The following NEDD4L variants were observed in gnomAD, a reference collection of about 807,000 sequenced individuals.
NEDD4L encodes NEDD4 like E3 ubiquitin protein ligase.
Under a neutral mutation model 148.9 loss-of-function variants are expected in NEDD4L, and 54 were observed. That is an observed-to-expected ratio of 0.36 (90% CI 0.29 to 0.45). NEDD4L has a LOEUF of 0.45. Ranked by LOEUF, NEDD4L falls within the 20% of genes least tolerant of loss-of-function variation. NEDD4L has a pLI of 1.00. For synonymous variants in NEDD4L, 433 were observed against 440.7 expected, an observed-to-expected ratio of 0.98 and a Z score of 0.22; for missense variants, 856 against 1,233.8, an observed-to-expected ratio of 0.69 and a Z score of 4.59.
intron 1 of NEDD4L, among the ~76,000 whole-genome samples, chr18:58,066,832 A>G (rs2082624532): frequency 6.6e-6 from 1 of 152,036 alleles, no homozygotes; most frequent in East Asian, 1.9e-4. Flanking sequence ...ACATATTTTT[A>G]AATAACCAAG....
chr18:58,175,555 G>T (rs1029166246), intron 2 of NEDD4L, among the ~76,000 whole-genome samples: 1 of 152,246 alleles, frequency 6.6e-6, no homozygotes, highest in Non-Finnish European at 1.5e-5. Flanking sequence ...AGCAGCCTCC[G>T]CTGTCTAGGG....
intron 18 of NEDD4L, among the ~76,000 whole-genome samples, chr18:58,354,444 A>T (rs936739491): frequency 1.5e-5 from 2 of 135,720 alleles, no homozygotes; most frequent in Non-Finnish European, 3.2e-5. Context: ...AAAGTTCTTT[A>T]AAAAAAAAAA....
intron 20 of NEDD4L, among the ~76,000 whole-genome samples, chr18:58,364,873 C>T (rs992745809): frequency 6.6e-6 from 1 of 152,176 alleles, no homozygotes; most frequent in African/African-American, 2.4e-5. Context: ...TTTTTATGGG[C>T]AACATTTTAA....
chr18:58,154,916 G>A (rs1767430092), intron 1 of NEDD4L, among the ~76,000 whole-genome samples: 1 of 152,206 alleles, frequency 6.6e-6, no homozygotes, highest in Non-Finnish European at 1.5e-5. Flanking sequence ...AAAAACAAAA[G>A]TGATGTGGAA....
intron 4 of NEDD4L, among the ~76,000 whole-genome samples, chr18:58,251,548 T>C (rs1477338555): frequency 6.6e-6 from 1 of 151,786 alleles, no homozygotes; most frequent in Non-Finnish European, 1.5e-5. Context: ...TGTGTATGTG[T>C]GTGTGTGTGT....
chr18:58,141,875 G>A (rs1338886854), intron 1 of NEDD4L, among the ~76,000 whole-genome samples: 1 of 151,974 alleles, frequency 6.6e-6, no homozygotes, highest in Admixed American at 6.6e-5. Flanking sequence ...TGCATTCCCA[G>A]CTACTGTCTG....
intron 5 of NEDD4L, among the ~76,000 whole-genome samples, chr18:58,292,600 T>G (rs933635970): frequency 6.6e-6 from 1 of 152,250 alleles, no homozygotes; most frequent in African/African-American, 2.4e-5. Context: ...TATCTTGTAT[T>G]TATAGATGGT....
chr18:58,049,814 A>C (rs2081774011), intron 1 of NEDD4L, among the ~76,000 whole-genome samples: 1 of 151,838 alleles, frequency 6.6e-6, no homozygotes, highest in African/African-American at 2.4e-5. Context: ...CCGTCTCTAC[A>C]AAAAATAGAA....
At chr18:58,237,004 C>T (rs927306044) in intron 2 of NEDD4L, among the ~76,000 whole-genome samples, 1 of 151,842 alleles carries the variant, frequency 6.6e-6, no homozygotes, top group Non-Finnish European at 1.5e-5. Flanking sequence ...ACCTGGACAC[C>T]AATAGCGAAA....
chr18:58,073,508 T>C (rs1386118785), intron 1 of NEDD4L, among the ~76,000 whole-genome samples: 1 of 152,232 alleles, frequency 6.6e-6, no homozygotes, highest in Non-Finnish European at 1.5e-5. Flanking sequence ...GAAGATGTGG[T>C]ATATCCATAC....
At position 58,077,655 on chromosome 18, in the gene NEDD4L, A is replaced by G. The variant is rs149514814; in HGVS notation, c.48+32947A>G. Among the ~76,000 whole-genome samples, 203 of 152,296 alleles carry G rather than the reference A, an allele frequency of 1.3e-3. 1 individual carries two copies. In the East Asian group the frequency reaches 0.018, roughly 14 times the overall value. ...GGAATCAGTACTTTGAAAAGCTCCCAAGTGCTTCTTGTGATGCATCGGGTT... is the reference window on the plus strand; with the variant it reads ...GGAATCAGTACTTTGAAAAGCTCCCGAGTGCTTCTTGTGATGCATCGGGTT... On this transcript the variant is annotated intron_variant, in intron 1 of 30. Coordinates refer to ENST00000400345, the MANE Select transcript of NEDD4L (RefSeq NM_001144967.3).
At chr18:58,286,310 GTCA>G (rs2053896648) in intron 5 of NEDD4L, among the ~76,000 whole-genome samples, 1 of 152,174 alleles carries the variant, frequency 6.6e-6, no homozygotes, top group Non-Finnish European at 1.5e-5. Flanking sequence ...TTTCAGTGAG[GTCA>G]TCATTGTATC....
intron 1 of NEDD4L, among the ~76,000 whole-genome samples, chr18:58,059,851 G>A (rs905222647): frequency 6.6e-6 from 1 of 152,128 alleles, no homozygotes; most frequent in Non-Finnish European, 1.5e-5. Context: ...CAGTGTGTAT[G>A]TATTTCGAAA....
At chr18:58,314,748 C>A (rs143249136) in intron 5 of NEDD4L, among the ~76,000 whole-genome samples, 4 of 152,152 alleles carry the variant, frequency 2.6e-5, no homozygotes, top group African/African-American at 9.7e-5. Flanking sequence ...ATACCCAAAC[C>A]GTGGTAACTT....
At chr18:58,135,265 G>T (rs529771506) in intron 1 of NEDD4L, among the ~76,000 whole-genome samples, 3 of 152,324 alleles carry the variant, frequency 2.0e-5, no homozygotes, top group African/African-American at 7.2e-5. Context: ...CTTCCAGAAC[G>T]AGGAGAGAAG....
At chr18:58,171,726 T>A (rs8094434) in intron 2 of NEDD4L, among the ~76,000 whole-genome samples, 20 of 152,336 alleles carry the variant, frequency 1.3e-4, no homozygotes, top group African/African-American at 4.8e-4. Context: ...GAGGTCCCAT[T>A]GGCTCTTCAA....
chr18:58,189,011 G>A (rs78685654), intron 2 of NEDD4L, among the ~76,000 whole-genome samples: 1,755 of 152,124 alleles, frequency 0.012, 29 homozygotes, highest in African/African-American at 0.04. Context: ...CACCTGTCTC[G>A]GGGGCCCTCA....
chr18:58,389,830 TA>T (rs1396774711), intron 28 of NEDD4L, among the ~76,000 whole-genome samples: 45 of 23,674 alleles, frequency 1.9e-3, no homozygotes, highest in African/African-American at 8.1e-3. Flanking sequence ...AATTTATTTT[TA>T]TTTATTTATT....
intron 1 of NEDD4L, among the ~76,000 whole-genome samples, chr18:58,051,032 A>G (rs2081843854): frequency 6.6e-6 from 1 of 152,152 alleles, no homozygotes; most frequent in South Asian, 2.1e-4. Context: ...CGAGGTGGAC[A>G]GATTGCTTGA....
Sources: gnomAD v4.1 joint callset for allele counts (sites outside exome capture counted in the v4.1 genomes callset) on GRCh38, gnomAD v4.1.1 for gene constraint, MANE v1.5 for transcripts, NCBI Gene and HGNC (gene_info 2026-07-23, HGNC 2026-07-21) for gene names.